The following ZNF347 variants were observed in gnomAD, a reference collection of about 807,000 sequenced individuals.
The protein encoded by ZNF347 is CTD-2620I22.7.
A neutral mutation model predicts 12.9 loss-of-function variants in ZNF347; 19 were observed. The ratio of observed to expected loss-of-function variants is 1.47; its 90% CI spans 1.03 to 2.16. ZNF347 has a LOEUF of 2.16. Ranked by LOEUF, ZNF347 falls within the 30% of genes most tolerant of loss-of-function variation. The pLI, the probability that ZNF347 is intolerant of heterozygous loss-of-function variation, is 0.00. For synonymous variants in ZNF347, 328 were observed against 340.6 expected (o/e 0.96, Z 0.41); for missense variants, 1,005 against 990.6 (o/e 1.01, Z -0.19).
At position 53,135,321 on chromosome 19, in the gene ZNF347, T is replaced by TAGAGAG. The variant is rs2090379973; in HGVS notation, c.*4986_*4987insCTCTCT. 1 of 62,074 alleles carries TAGAGAG rather than the reference T, an allele frequency of 1.6e-5. No individual in the cohort carries two copies. The highest frequency in any genetic ancestry group is 5.0e-5 in the African/African-American group (1 of 19,970). The allele number at this position is 62,074 out of a possible 1,614,324, so 3.8% of individuals were successfully genotyped here. A position where few individuals can be genotyped will look rare whatever the true frequency, so the allele number is the denominator to read the frequency against. On this transcript the variant is annotated 3_prime_UTR_variant, in exon 5 of 5. Coordinates refer to ENST00000334197, the MANE Select transcript of ZNF347 (RefSeq NM_032584.3). ...CTAAATATATATATATATATATATATATATATATATATATATATAGAGAGA... is the reference window on the plus strand; with the variant it reads ...CTAAATATATATATATATATATATATAGAGAGATATATATATATATATATAGAGAGA...
chr19:53,156,828 C>T (rs8106441), intron 1 of ZNF347, among the ~76,000 whole-genome samples: 90,186 of 151,912 alleles, frequency 0.59, 28,177 homozygotes, highest in South Asian at 0.73. Flanking sequence ...GAGCCTCAAT[C>T]AGTGGGATCT....
chr19:53,140,303 C>T lies in ZNF347; in HGVS notation c.*5G>A, dbSNP rs569525528. ...TACCACCTTCATTTGTAAGGTTTCT[C>T]TCCACTATGAATTCTGTGATGGCTT... On this transcript the variant is annotated 3_prime_UTR_variant, in exon 5 of 5. Transcript: ENST00000334197. The T allele has an allele frequency of 6.5e-7, 1 of 1,533,998 alleles. No homozygotes were observed. The highest frequency in any genetic ancestry group is 1.3e-5 in the South Asian group (1 of 76,686).
At chr19:53,157,505 G>T (rs766553745) in intron 1 of ZNF347, among the ~76,000 whole-genome samples, 15 of 151,672 alleles carry the variant, frequency 9.9e-5, no homozygotes, top group Non-Finnish European at 8.8e-5. Context: ...TTCTTCCTCC[G>T]CTTGCACCTG....
At position 53,139,758 on chromosome 19, in the gene ZNF347, C is replaced by T. The variant is rs1375890025; in HGVS notation, c.*550G>A. ...TACATTTGTGTGGTTCCATCAAATA[C>T]GTAGATTTTAATGCCTGCAAAGCTG... On this transcript the variant is annotated 3_prime_UTR_variant, in exon 5 of 5. Transcript: ENST00000334197. The T allele has an allele frequency of 2.0e-5, 3 of 152,876 alleles. No individual in the cohort carries two copies. Among genetic ancestry groups the T allele is most frequent in the Non-Finnish European group, 4.4e-5 (3 of 68,592 alleles). 9.5% of individuals were successfully genotyped at this position (152,876 alleles called of 1,614,324 possible). A position where few individuals can be genotyped will look rare whatever the true frequency, so the allele number is the denominator to read the frequency against.
intron 1 of ZNF347, among the ~76,000 whole-genome samples, chr19:53,154,631 A>C (rs146231924): frequency 9.8e-5 from 15 of 152,322 alleles, no homozygotes; most frequent in Non-Finnish European, 2.1e-4. Context: ...TGTAAAGCTT[A>C]ACGGGATGTC....
rs368821327 is a variant in ZNF347, at chr19:53,140,319, G to A, written c.2509C>T (p.Gln837Ter). The A allele has an allele frequency of 1.3e-6, 2 of 1,546,636 alleles. No homozygotes were observed. The highest frequency in any genetic ancestry group is 1.7e-6 in the Non-Finnish European group (2 of 1,150,960). The change falls in exon 5 of 5, where the codon CAG (glutamine) becomes TAG (stop). Residue 837 changes from glutamine (Q) to a stop codon, truncating the protein, a stop_gained. Transcript: ENST00000334197. LOFTEE classifies it high-confidence loss of function. ...AAGGTTTCTCTCCACTATGAATTCT[G>A]TGATGGCTTGCAAGGTTTGAACTCT... is the stretch of plus-strand genomic sequence containing the variant. ...KSEFKPCKPSQNS is the reference protein window; with the variant it reads ...KSEFKPCKPS
Position 53,148,810 on chromosome 19 carries a change from C to A in ZNF347, c.143-1G>T. ...ATACTGAGGTCAAAACAAGAGATTCCTGCTTATGAAAAGAAAGGAAAACAA... is the reference window on the plus strand; with the variant it reads ...ATACTGAGGTCAAAACAAGAGATTCATGCTTATGAAAAGAAAGGAAAACAA... On this transcript the variant is annotated splice_acceptor_variant, in intron 3 of 4. Coordinates refer to ENST00000334197, the MANE Select transcript of ZNF347 (RefSeq NM_032584.3). LOFTEE classifies it high-confidence loss of function. 1 of 1,612,284 alleles carries A rather than the reference C, an allele frequency of 6.2e-7. No individual in the cohort carries two copies. Among genetic ancestry groups the A allele is most frequent in the East Asian group, 2.2e-5 (1 of 44,832 alleles).
intron 1 of ZNF347, 59 bp from the exon 2 acceptor site, chr19:53,153,852 T>C (rs1305614056): frequency 1.5e-6 from 2 of 1,336,492 alleles, no homozygotes; most frequent in Admixed American, 1.7e-5. Flanking sequence ...ATGTGCTGTT[T>C]ATTGCTCAGA....
chr19:53,149,689 C>T (rs903566606), intron 2 of ZNF347, among the ~76,000 whole-genome samples: 4 of 152,124 alleles, frequency 2.6e-5, no homozygotes, highest in Non-Finnish European at 5.9e-5. Flanking sequence ...CCAACTTACC[C>T]TGAGGGGATG....
chr19:53,141,602 A>T lies in ZNF347; in HGVS notation c.1226T>A (p.Val409Asp). Residue 409 changes from valine (V) to aspartate (D), a missense_variant, in exon 5 of 5, where the codon GTC (valine) becomes GAC (aspartate). By Grantham distance (152) the Val-to-Asp change is radical (BLOSUM62 -3). Transcript: ENST00000334197. ...TGTAAGGTGTGAATTTTGAGTGAAGACCTTGCCACATTCATTACATTTGTA... is the reference window on the plus strand; with the variant it reads ...TGTAAGGTGTGAATTTTGAGTGAAGTCCTTGCCACATTCATTACATTTGTA... ...KPYKCNECGK[V>D]FTQNSHLTNH... The T allele has an allele frequency of 6.2e-7, 1 of 1,613,980 alleles. No individual in the cohort carries two copies. The highest frequency in any genetic ancestry group is 8.5e-7 in the Non-Finnish European group (1 of 1,179,964).
Position 53,141,678 on chromosome 19 carries a change from C to A in ZNF347, c.1150G>T (p.Ala384Ser), listed in dbSNP as rs1011839252. 2 of 1,613,796 alleles carry A rather than the reference C, an allele frequency of 1.2e-6. No individual in the cohort carries two copies. The highest frequency in any genetic ancestry group is 2.7e-5 in the African/African-American group (2 of 74,858). ...KCNECGKAFR[A>S]RSSLAIHQAT... is the part of the protein sequence containing the mutation. ...TGATGGATAGCTAAGCTTGAACGAG[C>A]TCTAAAGGCTTTCCCACACTCATTA... The change falls in exon 5 of 5, where the codon GCT becomes TCT. Residue 384 changes from alanine to serine, a missense_variant. Transcript: ENST00000334197.
chr19:53,151,891 G>A (rs1483849942), intron 2 of ZNF347, among the ~76,000 whole-genome samples: 10 of 151,966 alleles, frequency 6.6e-5, no homozygotes, highest in Admixed American at 5.2e-4. Flanking sequence ...TCAGGAGTTC[G>A]AGACCAGCCT....
At chr19:53,151,469 C>T (rs540524589) in intron 2 of ZNF347, among the ~76,000 whole-genome samples, 39 of 140,514 alleles carry the variant, frequency 2.8e-4, no homozygotes, top group African/African-American at 9.5e-4. Flanking sequence ...ACCCAGGAGG[C>T]GGAGCTTGCA....
intron 1 of ZNF347, among the ~76,000 whole-genome samples, chr19:53,157,068 T>C (rs978469267): frequency 6.6e-6 from 1 of 152,104 alleles, no homozygotes; most frequent in Admixed American, 6.5e-5. Context: ...CCTACCCTAT[T>C]CCAGGAAAAG....
Position 53,140,271 on chromosome 19 carries a change from CAA to C in ZNF347, c.*35_*36del. On this transcript the variant is annotated 3_prime_UTR_variant, in exon 5 of 5. Transcript: ENST00000334197. ...TTGTCAAAGGAATGAATTCTAACTG[CAA>C]AAGTTACCACCTTCATTTGTAAGGT... is the stretch of plus-strand genomic sequence containing the variant. The C allele has an allele frequency of 4.0e-6, 6 of 1,510,102 alleles. No homozygotes were observed. The highest frequency in any genetic ancestry group is 4.4e-6 in the Non-Finnish European group (5 of 1,128,166). The allele number at this position is 1,510,102 out of a possible 1,614,324, so 93.5% of individuals were successfully genotyped here. A position where few individuals can be genotyped will look rare whatever the true frequency, so the allele number is the denominator to read the frequency against.
At position 53,136,593 on chromosome 19, in the gene ZNF347, AAAG is replaced by A. The variant is rs2090389218; in HGVS notation, c.*3712_*3714del. ...AAAAAGAAAAAGAAAAAAAAAAAGAAAAGAAGCTATGGAGAATATGTTACACAA... is the reference window on the plus strand; with the variant it reads ...AAAAAGAAAAAGAAAAAAAAAAAGAAAAGCTATGGAGAATATGTTACACAA... On this transcript the variant is annotated 3_prime_UTR_variant, in exon 5 of 5. Coordinates refer to ENST00000334197, the MANE Select transcript of ZNF347 (RefSeq NM_032584.3). The A allele has an allele frequency of 6.6e-6, 1 of 152,106 alleles. No individual in the cohort carries two copies. Among genetic ancestry groups the A allele is most frequent in the Non-Finnish European group, 1.5e-5 (1 of 68,032 alleles). The allele number at this position is 152,106 out of a possible 1,614,324, so 9.4% of individuals were successfully genotyped here. A position where few individuals can be genotyped will look rare whatever the true frequency, so the allele number is the denominator to read the frequency against.
At chr19:53,150,560 C>A (rs1349478904) in intron 2 of ZNF347, among the ~76,000 whole-genome samples, 4 of 152,042 alleles carry the variant, frequency 2.6e-5, no homozygotes, top group Non-Finnish European at 4.4e-5. Context: ...TTATGTCTAA[C>A]ACACCAAGTG....
At chr19:53,147,249 C>T (rs2090468910) in intron 4 of ZNF347, among the ~76,000 whole-genome samples, 1 of 152,112 alleles carries the variant, frequency 6.6e-6, no homozygotes, top group African/African-American at 2.4e-5. Context: ...GTGGCACACG[C>T]CTGTAATCCC....
rs2090400467 is a variant in ZNF347, at chr19:53,138,719, T to C, written c.*1589A>G. The C allele has an allele frequency of 6.6e-6, 1 of 152,128 alleles. No individual in the cohort carries two copies. Among genetic ancestry groups the C allele is most frequent in the Admixed American group, 6.5e-5 (1 of 15,272 alleles). The allele number at this position is 152,128 out of a possible 1,614,324, so 9.4% of individuals were successfully genotyped here. ...TTCTACATCCTCCAACCTAAAAGAC[T>C]GAGTGTATTGTTATTATCTGCTATG... On this transcript the variant is annotated 3_prime_UTR_variant, in exon 5 of 5. Coordinates refer to ENST00000334197, the MANE Select transcript of ZNF347 (RefSeq NM_032584.3).
Sources: gnomAD v4.1 joint callset for allele counts (sites outside exome capture counted in the v4.1 genomes callset) on GRCh38, gnomAD v4.1.1 for gene constraint, MANE v1.5 for transcripts, NCBI Gene and HGNC (gene_info 2026-07-23, HGNC 2026-07-21) for gene names.